TTC39B: variants seen among roughly 807,000 people sequenced by gnomAD.
The protein encoded by TTC39B is tetratricopeptide repeat protein 39B.
In TTC39B, 92 loss-of-function variants were observed where a neutral mutation model predicts 96.6. The ratio of observed to expected loss-of-function variants is 0.95; its 90% CI spans 0.80 to 1.13. The LOEUF (loss-of-function observed/expected upper bound fraction) is 1.13, where lower values mean the gene tolerates loss of function less well. Among genes scored for constraint, TTC39B ranks in the 50% most tolerant of loss-of-function variants. TTC39B has a pLI of 0.00. For missense variants in TTC39B, 955 were observed against 809.3 expected, an observed-to-expected ratio of 1.18 and a Z score of -2.18; for synonymous variants, 367 against 299.4, an observed-to-expected ratio of 1.23 and a Z score of -2.33.
chr9:15,237,369 A>G (rs370082555), intron 2 of TTC39B, among the ~76,000 whole-genome samples: 6 of 152,178 alleles, frequency 3.9e-5, no homozygotes, highest in African/African-American at 1.4e-4. Context: ...GGATAAACCA[A>G]TTGGCAGACC....
intron 1 of TTC39B, among the ~76,000 whole-genome samples, chr9:15,285,832 G>T (rs928296568): frequency 1.3e-5 from 2 of 152,108 alleles, no homozygotes; most frequent in African/African-American, 2.4e-5. Context: ...TCCAGCCCAG[G>T]GGACAGAACG....
chr9:15,267,955 G>T lies in TTC39B; in HGVS notation c.241-7C>A, dbSNP rs747143605. The T allele has an allele frequency of 5.0e-6, 8 of 1,608,334 alleles. No homozygotes were observed. Among genetic ancestry groups the T allele is most frequent in the Non-Finnish European group, 5.1e-6 (6 of 1,178,364 alleles). On this transcript the variant is annotated splice_polypyrimidine_tract_variant and splice_region_variant and intron_variant, in intron 1 of 19. Transcript: ENST00000512701. ...AGGCATCTTCGAAAACGTCCTGGGGGAAATAAAAAATACAATGAGTTTCTC... is the reference window on the plus strand; with the variant it reads ...AGGCATCTTCGAAAACGTCCTGGGGTAAATAAAAAATACAATGAGTTTCTC...
At chr9:15,180,888 C>T (rs76307597) in intron 17 of TTC39B, among the ~76,000 whole-genome samples, 1 of 152,114 alleles carries the variant, frequency 6.6e-6, no homozygotes, top group Admixed American at 6.6e-5. Flanking sequence ...TTATTTCACC[C>T]AGAGAGAGGA....
chr9:15,275,223 T>G (rs962607497), intron 1 of TTC39B, among the ~76,000 whole-genome samples: 1 of 152,128 alleles, frequency 6.6e-6, no homozygotes, highest in Non-Finnish European at 1.5e-5. Context: ...GTATTTTTAG[T>G]AGAGACGGGG....
intron 1 of TTC39B, among the ~76,000 whole-genome samples, chr9:15,279,195 G>T (rs1823657902): frequency 6.6e-6 from 1 of 152,166 alleles, no homozygotes; most frequent in South Asian, 2.1e-4. Flanking sequence ...TGTAGACCAG[G>T]GATGAGCAAA....
At chr9:15,170,517 T>C (rs1817614209) in exon 20 of TTC39B, 1 of 152,210 alleles carries the variant, frequency 6.6e-6, no homozygotes, top group Non-Finnish European at 1.5e-5. Context: ...AGCTATCATA[T>C]GTTTTATCTA....
intron 19 of TTC39B, among the ~76,000 whole-genome samples, chr9:15,172,685 T>A (rs1817725760): frequency 6.6e-6 from 1 of 152,162 alleles, no homozygotes; most frequent in Admixed American, 6.6e-5. Context: ...ATTTAAAACC[T>A]GCCTAAGAGC....
intron 6 of TTC39B, among the ~76,000 whole-genome samples, chr9:15,204,612 A>G (rs532143553): frequency 6.6e-6 from 1 of 152,316 alleles, no homozygotes; most frequent in Admixed American, 6.5e-5. Context: ...TAGCTTCTAA[A>G]ATATGAAGGT....
At chr9:15,300,841 G>A (rs598631) in intron 1 of TTC39B, among the ~76,000 whole-genome samples, 19,944 of 131,456 alleles carry the variant, frequency 0.15, 1,551 homozygotes, top group African/African-American at 0.23. Flanking sequence ...GCAGTGAGCC[G>A]AGATCCCACT....
At chr9:15,271,698 T>G (rs183476296) in intron 1 of TTC39B, among the ~76,000 whole-genome samples, 1 of 152,162 alleles carries the variant, frequency 6.6e-6, no homozygotes, top group African/African-American at 2.4e-5. Context: ...GGCTCAGGCA[T>G]TGGGGACCCC....
In TTC39B at chr9:15,219,485, A is replaced by C. The variant is rs79615359; in HGVS notation, c.372-5236T>G. On this transcript the variant is annotated intron_variant, in intron 3 of 19. Transcript: ENST00000512701. Reference sequence around the variant, plus strand: ...TAAAAAAGGGATTTTATTGTGTTACAATAAATAAAAGTCTACAAAACCAAT... The same window carrying C: ...TAAAAAAGGGATTTTATTGTGTTACCATAAATAAAAGTCTACAAAACCAAT... 3.6e-3 allele frequency among the ~76,000 whole-genome samples: 549 copies of C among 152,330 alleles called. 7 individuals are homozygous for C. In the East Asian group the frequency reaches 0.067, roughly 19 times the overall value.
chr9:15,194,128 C>G (rs555709640), intron 8 of TTC39B, among the ~76,000 whole-genome samples: 1 of 151,996 alleles, frequency 6.6e-6, no homozygotes, highest in African/African-American at 2.4e-5. Flanking sequence ...ATCTGAGTGA[C>G]GATTTACAAT....
intron 14 of TTC39B, among the ~76,000 whole-genome samples, chr9:15,187,465 C>A (rs1190171030): frequency 2.0e-5 from 3 of 152,094 alleles, no homozygotes; most frequent in Non-Finnish European, 4.4e-5. Flanking sequence ...TAAAATAACT[C>A]TTTGTTGTTG....
chr9:15,206,706 C>A (rs953423444), intron 6 of TTC39B, among the ~76,000 whole-genome samples: 1 of 152,012 alleles, frequency 6.6e-6, no homozygotes, highest in Non-Finnish European at 1.5e-5. Context: ...TCTAAATAAA[C>A]CTGTATTTCA....
chr9:15,224,059 T>G (rs1464820934), intron 3 of TTC39B, among the ~76,000 whole-genome samples: 1 of 152,160 alleles, frequency 6.6e-6, no homozygotes, highest in African/African-American at 2.4e-5. Flanking sequence ...GCAAGAAAGA[T>G]AACTCCCTCA....
At chr9:15,185,457 A>G (rs552422646) in intron 15 of TTC39B, 51 bp from the exon 16 acceptor site, 6 of 1,606,922 alleles carry the variant, frequency 3.7e-6, no homozygotes, top group African/African-American at 1.3e-5. Flanking sequence ...CAACACATAC[A>G]TTATTTGTAC....
At chr9:15,202,260 G>A (rs898079195) in intron 7 of TTC39B, among the ~76,000 whole-genome samples, 4 of 152,226 alleles carry the variant, frequency 2.6e-5, no homozygotes, top group African/African-American at 9.7e-5. Context: ...TCATTATGAT[G>A]CTTACTGAGG....
At chr9:15,205,650 G>A (rs995841303) in intron 6 of TTC39B, among the ~76,000 whole-genome samples, 11 of 152,146 alleles carry the variant, frequency 7.2e-5, no homozygotes, top group East Asian at 3.8e-4. Flanking sequence ...TGTGTTCAGC[G>A]GGATACCAAC....
At chr9:15,201,790 C>T (rs1466102213) in intron 7 of TTC39B, among the ~76,000 whole-genome samples, 2 of 151,992 alleles carry the variant, frequency 1.3e-5, no homozygotes, top group Non-Finnish European at 2.9e-5. Context: ...AGAGGAGGTA[C>T]CAGTTTTGTT....
Sources: allele counts gnomAD v4.1 joint callset (sites outside exome capture counted in the v4.1 genomes callset), GRCh38; gene constraint gnomAD v4.1.1; transcripts MANE v1.5; gene names NCBI Gene and HGNC (gene_info 2026-07-23, HGNC 2026-07-21).